SLC7A11: variants seen among roughly 807,000 people sequenced by gnomAD.
The protein encoded by SLC7A11 is solute carrier family 7 member 11.
Under a neutral mutation model 54.5 loss-of-function variants are expected in SLC7A11, and 35 were observed. The ratio of observed to expected loss-of-function variants is 0.64; its 90% CI spans 0.49 to 0.85. The LOEUF (loss-of-function observed/expected upper bound fraction) is 0.85. Ranked by LOEUF, SLC7A11 falls within the 40% of genes least tolerant of loss-of-function variation. SLC7A11 has a pLI of 0.00. For missense variants in SLC7A11, 583 were observed against 618.1 expected (o/e 0.94, Z 0.60); for synonymous variants, 230 against 225.2 (o/e 1.02, Z -0.19).
In SLC7A11 at chr4:138,242,187, C is replaced by T. The variant is rs1738400028; in HGVS notation, c.-118G>A. ...TCTGCTTTCAGACTGTCTCTCTCAGCGCTATAGTGTTCACAGGTGAAAACT... is the reference window on the plus strand; with the variant it reads ...TCTGCTTTCAGACTGTCTCTCTCAGTGCTATAGTGTTCACAGGTGAAAACT... On this transcript the variant is annotated 5_prime_UTR_variant, in exon 1 of 12. Transcript: ENST00000280612. 7.5e-6 allele frequency: 9 copies of T among 1,201,258 alleles called. No homozygotes were observed. Among genetic ancestry groups the T allele is most frequent in the Non-Finnish European group, 5.8e-6 (5 of 867,446 alleles). The allele number at this position is 1,201,258 out of a possible 1,614,324, so 74.4% of individuals were successfully genotyped here.
At chr4:138,173,127 G>A in intron 11 of SLC7A11, among the ~76,000 whole-genome samples, 1 of 152,082 alleles carries the variant, frequency 6.6e-6, no homozygotes. Flanking sequence ...ACAGGTGTGA[G>A]CCACCATGCC....
chr4:138,217,042 C>G (rs1737697160), intron 5 of SLC7A11, among the ~76,000 whole-genome samples: 1 of 152,160 alleles, frequency 6.6e-6, no homozygotes, highest in Non-Finnish European at 1.5e-5. Context: ...TCTAGAACCC[C>G]ACACCAACAG....
intron 3 of SLC7A11, among the ~76,000 whole-genome samples, chr4:138,231,348 TA>T (rs1180810882): frequency 6.6e-6 from 1 of 152,090 alleles, no homozygotes. Flanking sequence ...AAATTTTAAT[TA>T]AAAATAAATA....
At chr4:138,174,082 C>A (rs1736505292) in intron 11 of SLC7A11, among the ~76,000 whole-genome samples, 2 of 152,174 alleles carry the variant, frequency 1.3e-5, no homozygotes, top group African/African-American at 4.8e-5. Context: ...ACAGCCCTGT[C>A]TCCCCAAAGA....
chr4:138,170,205 C>CTATATATATATA lies in SLC7A11; in HGVS notation c.*1739_*1750dup, dbSNP rs760391383. 1.7e-4 allele frequency: 17 copies of CTATATATATATA among 98,168 alleles called. No individual in the cohort carries two copies. Among genetic ancestry groups the CTATATATATATA allele is most frequent in the African/African-American group, 5.9e-4 (16 of 27,314 alleles). 6.1% of individuals were successfully genotyped at this position (98,168 alleles called of 1,614,324 possible). On this transcript the variant is annotated 3_prime_UTR_variant, in exon 12 of 12. Transcript: ENST00000280612. The stretch of plus-strand genomic sequence containing the variant: ...ATATTACTCTCATTTGTAAGTTCCA[C>CTATATATATATA]TATATATATATATATATATATATAA...
chr4:138,198,347 A>G (rs1737190187), intron 6 of SLC7A11, among the ~76,000 whole-genome samples: 1 of 152,286 alleles, frequency 6.6e-6, no homozygotes, highest in East Asian at 1.9e-4. Context: ...TTTACAAATA[A>G]TATAATAGAT....
chr4:138,240,771 ACAGAAT>A (rs1738357515), intron 1 of SLC7A11, among the ~76,000 whole-genome samples: 2 of 152,322 alleles, frequency 1.3e-5, no homozygotes, highest in Admixed American at 1.3e-4. Context: ...ACTTTAAAGT[ACAGAAT>A]CTTTCCCAAG....
intron 7 of SLC7A11, among the ~76,000 whole-genome samples, chr4:138,184,116 A>G (rs957341756): frequency 3.3e-5 from 5 of 152,176 alleles, no homozygotes; most frequent in African/African-American, 1.2e-4. Context: ...AATGGGCCAC[A>G]TTATGCCCAA....
intron 1 of SLC7A11, among the ~76,000 whole-genome samples, chr4:138,239,928 C>T (rs1319149288): frequency 1.3e-5 from 2 of 152,096 alleles, no homozygotes; most frequent in African/African-American, 4.8e-5. Flanking sequence ...ATATAAAGTG[C>T]TGTAGGAAGA....
At chr4:138,216,413 T>C (rs969362148) in intron 5 of SLC7A11, among the ~76,000 whole-genome samples, 1 of 151,900 alleles carries the variant, frequency 6.6e-6, no homozygotes, top group Non-Finnish European at 1.5e-5. Context: ...TACCAAGCAA[T>C]GTTTAGCTTT....
intron 6 of SLC7A11, among the ~76,000 whole-genome samples, chr4:138,195,711 A>G (rs763033299): frequency 1.1e-4 from 16 of 152,186 alleles, no homozygotes; most frequent in Non-Finnish European, 1.8e-4. Flanking sequence ...CTGACTCCTT[A>G]TAGTCTCTTC....
intron 2 of SLC7A11, among the ~76,000 whole-genome samples, chr4:138,234,301 T>A (rs951805281): frequency 6.6e-6 from 1 of 152,218 alleles, no homozygotes; most frequent in Non-Finnish European, 1.5e-5. Context: ...TACAGATTAT[T>A]TCTGGCAATA....
At chr4:138,222,438 C>T (rs77318915) in intron 4 of SLC7A11, among the ~76,000 whole-genome samples, 4,715 of 152,302 alleles carry the variant, frequency 0.031, 111 homozygotes, top group African/African-American at 0.064. Flanking sequence ...TTTCTTCTCA[C>T]TTTATTTCCT....
At chr4:138,239,308 G>C (rs1738321703) in intron 1 of SLC7A11, among the ~76,000 whole-genome samples, 1 of 151,978 alleles carries the variant, frequency 6.6e-6, no homozygotes, top group Non-Finnish European at 1.5e-5. Flanking sequence ...TTCATTTAAA[G>C]GTCTCAAGCT....
At chr4:138,202,405 TCATTTCCTC>T (rs1737309106) in intron 6 of SLC7A11, among the ~76,000 whole-genome samples, 1 of 152,072 alleles carries the variant, frequency 6.6e-6, no homozygotes, top group Non-Finnish European at 1.5e-5. Flanking sequence ...CAGTTTGGAC[TCATTTCCTC>T]CATTTACCCA....
At position 138,183,223 on chromosome 4, in the gene SLC7A11, C is replaced by A; in HGVS notation, c.998G>T (p.Gly333Val). The change falls in exon 8 of 12, where the codon GGT becomes GTT. Residue 333 changes from glycine (G) to valine (V), a missense_variant. By Grantham distance (109) the Gly-to-Val change is moderately radical (BLOSUM62 -3). Coordinates refer to ENST00000280612, the MANE Select transcript of SLC7A11 (RefSeq NM_014331.4). ...TCACCTGGAGACAGCAAACACACCA[C>A]CGTTCATGGAGCCAAAGCAGGAGAG... The part of the protein sequence containing the change: ...VALSCFGSMN[G>V]GVFAVSRLFY... 6.2e-7 allele frequency: 1 copy of A among 1,611,556 alleles called. No individual in the cohort carries two copies. Among genetic ancestry groups the A allele is most frequent in the Non-Finnish European group, 8.5e-7 (1 of 1,178,464 alleles).
At chr4:138,212,161 A>G (rs1036070214) in intron 6 of SLC7A11, among the ~76,000 whole-genome samples, 9 of 151,918 alleles carry the variant, frequency 5.9e-5, no homozygotes, top group Non-Finnish European at 1.0e-4. Flanking sequence ...TGGATCAAGA[A>G]TGCATAATAG....
chr4:138,196,903 G>A (rs914811251), intron 6 of SLC7A11, among the ~76,000 whole-genome samples: 8 of 152,006 alleles, frequency 5.3e-5, no homozygotes, highest in African/African-American at 1.4e-4. Context: ...CTGGTGATAC[G>A]CCCACCTTGG....
chr4:138,206,974 A>T (rs1051032014), intron 6 of SLC7A11, among the ~76,000 whole-genome samples: 21 of 131,772 alleles, frequency 1.6e-4, no homozygotes, highest in African/African-American at 5.8e-4. Flanking sequence ...ATCAAGCTTT[A>T]TGTATATTTT....
Sources: allele counts gnomAD v4.1 joint callset (sites outside exome capture counted in the v4.1 genomes callset), GRCh38; gene constraint gnomAD v4.1.1; transcripts MANE v1.5; gene names NCBI Gene and HGNC (gene_info 2026-07-23, HGNC 2026-07-21).